CSRNP3: variants seen among roughly 807,000 people sequenced by gnomAD.
CSRNP3 encodes the protein cysteine and serine rich nuclear protein 3.
CSRNP3 carries 12 observed loss-of-function variants against 48.0 expected under a neutral mutation model. That is an observed-to-expected ratio of 0.25 (90% CI 0.16 to 0.41). The LOEUF (loss-of-function observed/expected upper bound fraction) is 0.41, where lower values mean the gene tolerates loss of function less well. CSRNP3 is among the 10% of genes least tolerant of loss of function. CSRNP3 has a pLI of 1.00. For missense variants in CSRNP3, 580 were observed against 724.4 expected (o/e 0.80, Z 2.29); for synonymous variants, 263 against 269.7 (o/e 0.98, Z 0.24).
At position 165,661,130 on chromosome 2, in the gene CSRNP3, C is replaced by T. The variant is rs190407462; in HGVS notation, c.408+3110C>T. Among the ~76,000 whole-genome samples the T allele has an allele frequency of 1.8e-3, 274 of 152,166 alleles. 2 individuals carry two copies. Among genetic ancestry groups the T allele is most frequent in the African/African-American group, 6.2e-3 (259 of 41,524 alleles). ...TTTAGCTATCCAAAGCCAGCTACCC[C>T]AAAACATAGCTATTCAAAAATTTCA... On this transcript the variant is annotated intron_variant, in intron 5 of 6. Transcript: ENST00000651982.
At chr2:165,526,249 A>G (rs1044712201) in intron 3 of CSRNP3, among the ~76,000 whole-genome samples, 7 of 152,194 alleles carry the variant, frequency 4.6e-5, no homozygotes, top group African/African-American at 9.6e-5. Flanking sequence ...TAGCTTGTAG[A>G]TATCTACAAA....
intron 3 of CSRNP3, among the ~76,000 whole-genome samples, chr2:165,528,909 G>A (rs1427429497): frequency 6.6e-6 from 1 of 152,156 alleles, no homozygotes; most frequent in Non-Finnish European, 1.5e-5. Context: ...GAGCTCCCCG[G>A]GTGCCACTGT....
intron 3 of CSRNP3, among the ~76,000 whole-genome samples, chr2:165,584,925 A>G (rs1426305462): frequency 6.6e-6 from 1 of 152,242 alleles, no homozygotes; most frequent in East Asian, 1.9e-4. Context: ...ATAATGTTTT[A>G]AGAAAGTTTA....
chr2:165,656,732 G>A (rs562109349), intron 4 of CSRNP3, among the ~76,000 whole-genome samples: 254 of 152,198 alleles, frequency 1.7e-3, no homozygotes, highest in Non-Finnish European at 2.6e-3. Flanking sequence ...GAGCCTTTTT[G>A]TGTGTGTTTT....
At chr2:165,628,007 A>G (rs1316907694) in intron 4 of CSRNP3, among the ~76,000 whole-genome samples, 1 of 152,200 alleles carries the variant, frequency 6.6e-6, no homozygotes, top group African/African-American at 2.4e-5. Context: ...GTTTGCTAAA[A>G]CAAGCAAAAA....
intron 2 of CSRNP3, among the ~76,000 whole-genome samples, chr2:165,500,424 C>A (rs995168161): frequency 7.5e-6 from 1 of 132,848 alleles, no homozygotes; most frequent in South Asian, 2.3e-4. Context: ...TATATATACA[C>A]ACACACACAC....
intron 4 of CSRNP3, among the ~76,000 whole-genome samples, chr2:165,653,783 C>T (rs1255804793): frequency 6.6e-6 from 1 of 151,648 alleles, no homozygotes; most frequent in African/African-American, 2.4e-5. Flanking sequence ...AACAGCCTGG[C>T]CAACATGATG....
Position 165,676,439 on chromosome 2 carries a change from C to CA in CSRNP3, c.543dup (p.Arg182ThrfsTer14). 6.2e-7 allele frequency: 1 copy of CA among 1,614,030 alleles called. No individual in the cohort carries two copies. Among genetic ancestry groups the CA allele is most frequent in the Non-Finnish European group, 8.5e-7 (1 of 1,179,970 alleles). On this transcript the variant is annotated frameshift_variant, in exon 6 of 7. Coordinates refer to ENST00000651982, the MANE Select transcript of CSRNP3 (RefSeq NM_001172173.2). LOFTEE classifies it high-confidence loss of function. The stretch of plus-strand genomic sequence containing the variant: ...TACTTCTTCCTACAACCTTTGCCAA[C>CA]AAAAAAACGAAGAGCTCTGCTGCGT...
intron 5 of CSRNP3, among the ~76,000 whole-genome samples, chr2:165,674,904 G>T (rs1687398269): frequency 6.6e-6 from 1 of 151,262 alleles, no homozygotes; most frequent in Non-Finnish European, 1.5e-5. Context: ...ATAGAGATGG[G>T]GTTTCATCAT....
At chr2:165,618,279 G>T (rs913310616) in intron 4 of CSRNP3, among the ~76,000 whole-genome samples, 2 of 152,158 alleles carry the variant, frequency 1.3e-5, no homozygotes, top group Non-Finnish European at 2.9e-5. Context: ...TGGCTGCTTT[G>T]CTTTCCTCTC....
chr2:165,493,148 G>A (rs983540409), intron 1 of CSRNP3, among the ~76,000 whole-genome samples: 1 of 151,838 alleles, frequency 6.6e-6, no homozygotes, highest in Non-Finnish European at 1.5e-5. Flanking sequence ...AATCAAAGGT[G>A]AGCATGATGT....
chr2:165,562,933 G>A (rs1221552500), intron 3 of CSRNP3, among the ~76,000 whole-genome samples: 1 of 152,106 alleles, frequency 6.6e-6, no homozygotes, highest in African/African-American at 2.4e-5. Context: ...GGGCGCTTTA[G>A]AGCTGAGCCT....
At position 165,570,858 on chromosome 2, in the gene CSRNP3, C is replaced by A. The variant is rs184619771; in HGVS notation, c.-23-24185C>A. ...ATATTTCTTTCAATGTTAAGAAAAACCCATCAAAAGGTATTTATTTAAGTC... is the reference window on the plus strand; with the variant it reads ...ATATTTCTTTCAATGTTAAGAAAAAACCATCAAAAGGTATTTATTTAAGTC... On this transcript the variant is annotated intron_variant, in intron 3 of 6. Coordinates refer to ENST00000651982, the MANE Select transcript of CSRNP3 (RefSeq NM_001172173.2). Among the ~76,000 whole-genome samples the A allele has an allele frequency of 1.9e-3, 294 of 151,630 alleles. 2 individuals are homozygous for A. Among genetic ancestry groups the A allele is most frequent in the Middle Eastern group, 6.8e-3 (2 of 292 alleles).
intron 4 of CSRNP3, among the ~76,000 whole-genome samples, chr2:165,630,041 C>G (rs1006467607): frequency 6.6e-6 from 1 of 152,126 alleles, no homozygotes; most frequent in Non-Finnish European, 1.5e-5. Flanking sequence ...TTAAAACAAG[C>G]TTTCTTTCAA....
chr2:165,671,962 C>T (rs541843020), intron 5 of CSRNP3, among the ~76,000 whole-genome samples: 15 of 152,252 alleles, frequency 9.9e-5, no homozygotes, highest in African/African-American at 3.6e-4. Context: ...ACCTTTGCTC[C>T]AGTTGCCAAC....
At chr2:165,561,524 T>C (rs1685233006) in intron 3 of CSRNP3, among the ~76,000 whole-genome samples, 1 of 152,136 alleles carries the variant, frequency 6.6e-6, no homozygotes, top group Non-Finnish European at 1.5e-5. Context: ...CATTTTAACA[T>C]TGGTAATTTA....
chr2:165,571,127 T>A (rs1249698036), intron 3 of CSRNP3, among the ~76,000 whole-genome samples: 3 of 151,982 alleles, frequency 2.0e-5, no homozygotes, highest in Non-Finnish European at 4.4e-5. Context: ...TATATATGTA[T>A]ATTCACTTTT....
intron 5 of CSRNP3, 63 bp from the exon 6 acceptor site, chr2:165,676,249 C>T: frequency 1.6e-6 from 2 of 1,279,366 alleles, no homozygotes; most frequent in Non-Finnish European, 2.2e-6. Flanking sequence ...TCACCCAGTA[C>T]AAACATACAG....
chr2:165,626,462 T>C (rs1467802004), intron 4 of CSRNP3, among the ~76,000 whole-genome samples: 1 of 152,234 alleles, frequency 6.6e-6, no homozygotes, highest in Non-Finnish European at 1.5e-5. Context: ...GTATATGGAT[T>C]GGTGTACTGC....
Sources: allele counts gnomAD v4.1 joint callset (sites outside exome capture counted in the v4.1 genomes callset), GRCh38; gene constraint gnomAD v4.1.1; transcripts MANE v1.5; gene names NCBI Gene and HGNC (gene_info 2026-07-23, HGNC 2026-07-21).